ASXL3: variants seen among roughly 807,000 people sequenced by gnomAD.
ASXL3 encodes the protein ASXL transcriptional regulator 3.
Under a neutral mutation model 170.6 loss-of-function variants are expected in ASXL3, and 34 were observed. The observed-to-expected ratio is 0.20, with a 90% confidence interval of 0.15 to 0.27. ASXL3 has a LOEUF of 0.27. Among genes scored for constraint, ASXL3 ranks in the 10% least tolerant of loss-of-function variants. ASXL3 has a pLI of 1.00. For missense variants in ASXL3, 2,592 were observed against 2,695.3 expected, an observed-to-expected ratio of 0.96 and a Z score of 0.85; for synonymous variants, 1,002 against 989.1, an observed-to-expected ratio of 1.01 and a Z score of -0.24.
At position 33,607,647 on chromosome 18, in the gene ASXL3, C is replaced by A; in HGVS notation, c.108C>A (p.Val36=). 6.3e-7 allele frequency: 1 copy of A among 1,587,710 alleles called. No homozygotes were observed. Among genetic ancestry groups the A allele is most frequent in the Non-Finnish European group, 8.6e-7 (1 of 1,166,020 alleles). Residue 36 remains valine (V), a synonymous_variant, in exon 2 of 12, where the codon GTC becomes GTA. Coordinates refer to ENST00000269197, the MANE Select transcript of ASXL3 (RefSeq NM_030632.3). ...TGACAGCAAAGCAGATATTGGAAGTCATTCAGAAAGAAGGGTTAAAAGAAA... is the reference window on the plus strand; with the variant it reads ...TGACAGCAAAGCAGATATTGGAAGTAATTCAGAAAGAAGGGTTAAAAGAAA... ...SPMTAKQILE[V]IQKEGLKETS...
In ASXL3 at chr18:33,744,318, C is replaced by A; in HGVS notation, c.4470C>A (p.Ser1490=). The A allele has an allele frequency of 6.2e-7, 1 of 1,613,966 alleles. No individual in the cohort carries two copies. Among genetic ancestry groups the A allele is most frequent in the Non-Finnish European group, 8.5e-7 (1 of 1,179,890 alleles). Residue 1490 remains serine, a synonymous_variant, in exon 12 of 12, where the codon TCC becomes TCA. Coordinates refer to ENST00000269197, the MANE Select transcript of ASXL3 (RefSeq NM_030632.3). ...CCTCCAGTTTGTCTCTGACTGTCTC[C>A]GTTGAAAGCTCAGAAGCCAGCTTGG... ...TLTSSLSLTV[S]VESSEASLDL...
At position 33,687,631 on chromosome 18, in the gene ASXL3, C is replaced by A. The variant is rs568878367; in HGVS notation, c.879+4063C>A. On this transcript the variant is annotated intron_variant, in intron 8 of 11. Coordinates refer to ENST00000269197, the MANE Select transcript of ASXL3 (RefSeq NM_030632.3). Reference sequence around the variant, plus strand: ...TATGGGAGCTGAGTTTCGCATTTATCTTGACAATGCCAGCTGTTAAGGCAA... The same window carrying A: ...TATGGGAGCTGAGTTTCGCATTTATATTGACAATGCCAGCTGTTAAGGCAA... Among the ~76,000 whole-genome samples, 8 of 152,230 alleles carry A rather than the reference C, an allele frequency of 5.3e-5. No homozygotes were observed. In the East Asian group the frequency reaches 1.5e-3, roughly 29 times the overall value.
intron 2 of ASXL3, among the ~76,000 whole-genome samples, chr18:33,621,658 T>C (rs1205927708): frequency 6.6e-6 from 1 of 152,076 alleles, no homozygotes; most frequent in Non-Finnish European, 1.5e-5. Context: ...ATTCCCACCA[T>C]GGGTTGGTGG....
rs373180762 is a variant in ASXL3 at position 33,743,203 on chromosome 18, C to T, written c.3355C>T (p.His1119Tyr). 2 of 1,613,860 alleles carry T rather than the reference C, an allele frequency of 1.2e-6. No individual in the cohort carries two copies. Among genetic ancestry groups the T allele is most frequent in the African/African-American group, 2.7e-5 (2 of 74,908 alleles). The change falls in exon 12 of 12, where the codon CAT becomes TAT. Residue 1119 changes from histidine to tyrosine, a missense_variant. His to Tyr is a moderately conservative substitution (Grantham distance 83, BLOSUM62 2). This residue lies in a region of ASXL3 where 2,246 missense variants were observed against 2,219.6 expected (regional missense o/e 1.01). Coordinates refer to ENST00000269197, the MANE Select transcript of ASXL3 (RefSeq NM_030632.3). ...CTTTGCAAAGCATCAAGCTCGAGCC[C>T]ATCTCTTCCAGACCTCTAAAGAGAC... ...KLFAKHQARA[H>Y]LFQTSKETRL...
intron 2 of ASXL3, among the ~76,000 whole-genome samples, chr18:33,637,623 T>G (rs938823369): frequency 1.3e-5 from 2 of 152,114 alleles, no homozygotes; most frequent in Admixed American, 6.6e-5. Context: ...ATATATAAAA[T>G]TTACTATTTT....
intron 1 of ASXL3, among the ~76,000 whole-genome samples, chr18:33,594,938 C>T (rs967803149): frequency 6.6e-6 from 1 of 151,998 alleles, no homozygotes; most frequent in African/African-American, 2.4e-5. Flanking sequence ...GTAAATCAGG[C>T]TGGGAGTTCT....
intron 8 of ASXL3, among the ~76,000 whole-genome samples, chr18:33,699,792 T>G (rs1188357874): frequency 1.3e-5 from 2 of 152,122 alleles, no homozygotes; most frequent in East Asian, 3.9e-4. Flanking sequence ...ACATGGGGTA[T>G]TTTATTTCAT....
In ASXL3 at chr18:33,745,979, C is replaced by T. The variant is rs751793590; in HGVS notation, c.6131C>T (p.Pro2044Leu). Residue 2044 changes from proline to leucine, a missense_variant, in exon 12 of 12, where the codon CCT becomes CTT. Transcript: ENST00000269197. ...PPPPPPPLPP[P>L]LPNAEVPSDQ... ...CCCCCACCACCTCCGCTACCTCCAC[C>T]TCTCCCTAATGCAGAAGTCCCATCT... The T allele has an allele frequency of 6.2e-7, 1 of 1,601,076 alleles. No individual in the cohort carries two copies. The highest frequency in any genetic ancestry group is 1.4e-5 in the African/African-American group (1 of 73,428).
At chr18:33,690,220 T>C (rs970013410) in intron 8 of ASXL3, 1 of 152,136 alleles carries the variant, frequency 6.6e-6, no homozygotes, top group Non-Finnish European at 1.5e-5. Context: ...TCTGATCTTA[T>C]AGTATACTTT....
chr18:33,729,402 G>C (rs2067405547), intron 8 of ASXL3, among the ~76,000 whole-genome samples: 1 of 152,112 alleles, frequency 6.6e-6, no homozygotes, highest in African/African-American at 2.4e-5. Context: ...TTGCTTCAGA[G>C]AAAGTCTTAG....
At chr18:33,717,440 G>T (rs951430535) in intron 8 of ASXL3, among the ~76,000 whole-genome samples, 1 of 152,004 alleles carries the variant, frequency 6.6e-6, no homozygotes, top group Non-Finnish European at 1.5e-5. Flanking sequence ...AGCATATTAG[G>T]TTATTTGCAT....
chr18:33,692,603 C>T (rs1172262368), intron 8 of ASXL3, among the ~76,000 whole-genome samples: 1 of 152,126 alleles, frequency 6.6e-6, no homozygotes, highest in Non-Finnish European at 1.5e-5. Flanking sequence ...TATTTCCTTC[C>T]TGGCACTCAC....
At chr18:33,632,641 G>T (rs1286534252) in intron 2 of ASXL3, among the ~76,000 whole-genome samples, 1 of 152,104 alleles carries the variant, frequency 6.6e-6, no homozygotes, top group African/African-American at 2.4e-5. Context: ...AAAGCAACAA[G>T]AAAAAACCAG....
At chr18:33,601,500 C>G (rs1431065651) in intron 1 of ASXL3, among the ~76,000 whole-genome samples, 1 of 151,734 alleles carries the variant, frequency 6.6e-6, no homozygotes, top group South Asian at 2.1e-4. Flanking sequence ...TTCCAGAGCT[C>G]ACAACCTTCA....
At position 33,707,260 on chromosome 18, in the gene ASXL3, C is replaced by T. The variant is rs111773022; in HGVS notation, c.879+23692C>T. 1.9e-4 allele frequency among the ~76,000 whole-genome samples: 29 copies of T among 152,036 alleles called. 1 individual carries two copies. The highest frequency in any genetic ancestry group is 7.2e-4 in the Admixed American group (11 of 15,246). ...AATAATGTCAATGTTCCTAAAAGCACAGGAATTTTGGTTATGGATTGCATC... is the reference window on the plus strand; with the variant it reads ...AATAATGTCAATGTTCCTAAAAGCATAGGAATTTTGGTTATGGATTGCATC... On this transcript the variant is annotated intron_variant, in intron 8 of 11. Transcript: ENST00000269197.
intron 5 of ASXL3, among the ~76,000 whole-genome samples, chr18:33,667,932 A>G (rs1483572514): frequency 6.6e-6 from 1 of 152,228 alleles, no homozygotes; most frequent in Non-Finnish European, 1.5e-5. Context: ...AGTTATATAA[A>G]TAACAAAAAA....
Position 33,739,215 on chromosome 18 carries a change from A to G in ASXL3, c.1811A>G (p.Glu604Gly). ...AGTGACCCTGAAGAACAGCTTTCAGAAAATGCCTGCATCTCTGAAACGTCC... is the reference window on the plus strand; with the variant it reads ...AGTGACCCTGAAGAACAGCTTTCAGGAAATGCCTGCATCTCTGAAACGTCC... ...LQSDPEEQLS[E>G]NACISETSFS... Residue 604 changes from glutamate (E) to glycine (G), a missense_variant, in exon 11 of 12, where the codon GAA becomes GGA. Glu to Gly is a moderately conservative substitution (Grantham distance 98, BLOSUM62 -2). Around this residue, in one of 4 missense-constraint regions of ASXL3, gnomAD observed 2,246 missense variants for 2,219.6 expected, o/e 1.01. Coordinates refer to ENST00000269197, the MANE Select transcript of ASXL3 (RefSeq NM_030632.3). 4 of 1,613,900 alleles carry G rather than the reference A, an allele frequency of 2.5e-6. No homozygotes were observed. Among genetic ancestry groups the G allele is most frequent in the Non-Finnish European group, 3.4e-6 (4 of 1,179,862 alleles).
At chr18:33,692,540 C>T (rs752208678) in intron 8 of ASXL3, among the ~76,000 whole-genome samples, 11 of 152,158 alleles carry the variant, frequency 7.2e-5, no homozygotes, top group South Asian at 2.1e-4. Flanking sequence ...TTTCTTGCCT[C>T]CCCTCCCATC....
intron 8 of ASXL3, among the ~76,000 whole-genome samples, chr18:33,693,328 G>C (rs1390899801): frequency 1.3e-5 from 2 of 152,162 alleles, no homozygotes; most frequent in African/African-American, 4.8e-5. Context: ...ATTTAAGATG[G>C]AAGAGAGAGG....
Sources: allele counts gnomAD v4.1 joint callset (sites outside exome capture counted in the v4.1 genomes callset), GRCh38; gene constraint gnomAD v4.1.1; regional missense constraint gnomAD v4.1.1; transcripts MANE v1.5; gene names NCBI Gene and HGNC (gene_info 2026-07-23, HGNC 2026-07-21).